IFT57: variants seen among roughly 807,000 people sequenced by gnomAD.
IFT57 encodes the protein intraflagellar transport 57, also known as intraflagellar transport protein 57 homolog.
IFT57 carries 59 observed loss-of-function variants against 56.8 expected under a neutral mutation model. The ratio of observed to expected loss-of-function variants is 1.04; its 90% CI spans 0.84 to 1.29. IFT57 has a LOEUF of 1.29. Ranked by LOEUF, IFT57 falls within the 50% of genes most tolerant of loss-of-function variation. The pLI is 0.00. For synonymous variants in IFT57, 209 were observed against 186.1 expected, an observed-to-expected ratio of 1.12 and a Z score of -1.00; for missense variants, 470 against 522.1, an observed-to-expected ratio of 0.90 and a Z score of 0.97.
intron 5 of IFT57, among the ~76,000 whole-genome samples, chr3:108,203,095 C>T (rs1218114622): frequency 6.6e-6 from 1 of 152,242 alleles, no homozygotes; most frequent in Non-Finnish European, 1.5e-5. Context: ...CAGACAGTCT[C>T]CTGCTGTCAG....
intron 6 of IFT57, among the ~76,000 whole-genome samples, chr3:108,180,198 C>T (rs1009023049): frequency 6.6e-6 from 1 of 151,990 alleles, no homozygotes; most frequent in Non-Finnish European, 1.5e-5. Flanking sequence ...GCTATCTTTA[C>T]AAACTACCAT....
chr3:108,217,648 T>C (rs563534841), intron 3 of IFT57, among the ~76,000 whole-genome samples: 398 of 151,752 alleles, frequency 2.6e-3, no homozygotes, highest in South Asian at 6.6e-3. Context: ...TGAATATACA[T>C]TAAAATGTTA....
intron 6 of IFT57, among the ~76,000 whole-genome samples, chr3:108,177,631 G>GA (rs568406188): frequency 6.8e-6 from 1 of 147,624 alleles, no homozygotes; most frequent in Non-Finnish European, 1.5e-5. Flanking sequence ...AAGAGATGAA[G>GA]AAAAAAAAAT....
chr3:108,209,805 C>A (rs1464694662), intron 4 of IFT57, among the ~76,000 whole-genome samples: 1 of 152,196 alleles, frequency 6.6e-6, no homozygotes, highest in Non-Finnish European at 1.5e-5. Flanking sequence ...GGCCTTCAGA[C>A]TCAAACTGGG....
intron 6 of IFT57, among the ~76,000 whole-genome samples, chr3:108,177,529 C>T (rs1315957643): frequency 2.6e-5 from 4 of 151,466 alleles, no homozygotes; most frequent in Admixed American, 1.3e-4. Flanking sequence ...TGCATTTATT[C>T]CAAAATGCAA....
At chr3:108,173,997 AGTGTGTGTGTGTGTGTGTGTGT>A (rs34537693) in intron 6 of IFT57, among the ~76,000 whole-genome samples, 3 of 100,718 alleles carry the variant, frequency 3.0e-5, no homozygotes, top group Middle Eastern at 5.8e-3. Flanking sequence ...CATATATTTG[AGTGTGTGTGTGTGTGTGTGTGT>A]GTGTGTGTGT....
chr3:108,213,727 AT>A, intron 4 of IFT57: 2 of 479,276 alleles, frequency 4.2e-6, no homozygotes, highest in East Asian at 6.4e-5. Flanking sequence ...CTCTGCTAAA[AT>A]TCAGACCTCA....
chr3:108,201,936 A>G (rs774391382), intron 5 of IFT57, among the ~76,000 whole-genome samples: 2 of 152,200 alleles, frequency 1.3e-5, no homozygotes, highest in Non-Finnish European at 2.9e-5. Flanking sequence ...TAAGCTAAAA[A>G]GTCTCTCATT....
At chr3:108,213,536 A>G (rs187984227) in intron 4 of IFT57, among the ~76,000 whole-genome samples, 22 of 152,356 alleles carry the variant, frequency 1.4e-4, no homozygotes, top group African/African-American at 5.3e-4. Context: ...CTAATTGTAG[A>G]TGAATAAAGG....
intron 6 of IFT57, among the ~76,000 whole-genome samples, chr3:108,185,059 T>C (rs1237404640): frequency 6.6e-6 from 1 of 152,078 alleles, no homozygotes; most frequent in Non-Finnish European, 1.5e-5. Context: ...GAATCCAGCA[T>C]AAGAACCATT....
chr3:108,205,911 A>T (rs1176267473), intron 5 of IFT57, among the ~76,000 whole-genome samples: 1 of 128,240 alleles, frequency 7.8e-6, no homozygotes, highest in Non-Finnish European at 1.6e-5. Context: ...ATTATATATT[A>T]ATATATATTA....
intron 4 of IFT57, among the ~76,000 whole-genome samples, chr3:108,207,775 G>C (rs2080321265): frequency 6.6e-6 from 1 of 152,190 alleles, no homozygotes; most frequent in Non-Finnish European, 1.5e-5. Flanking sequence ...CGGGCGCGAT[G>C]GCTCACGCTT....
At chr3:108,199,303 G>A (rs1324167477) in intron 5 of IFT57, among the ~76,000 whole-genome samples, 1 of 152,190 alleles carries the variant, frequency 6.6e-6, no homozygotes, top group East Asian at 1.9e-4. Flanking sequence ...TATGCTGTAG[G>A]AGTCTGAATG....
Position 108,163,747 on chromosome 3 carries a change from TTTCATGAGCA to T in IFT57, c.1045-28_1045-19del. On this transcript the variant is annotated intron_variant, in intron 9 of 10. Transcript: ENST00000264538. ...TCCATAACCTTTCATGAAAACAAGTTTTCATGAGCATTACATTTTAATAAACTTTCACAAT... is the reference window on the plus strand; with the variant it reads ...TCCATAACCTTTCATGAAAACAAGTTTTACATTTTAATAAACTTTCACAAT... 1.3e-6 allele frequency: 2 copies of T among 1,489,178 alleles called. No individual in the cohort carries two copies. Among genetic ancestry groups the T allele is most frequent in the Non-Finnish European group, 1.9e-6 (2 of 1,069,192 alleles). The allele number at this position is 1,489,178 out of a possible 1,614,324, so 92.2% of individuals were successfully genotyped here. A position where few individuals can be genotyped will look rare whatever the true frequency, so the allele number is the denominator to read the frequency against.
chr3:108,201,161 C>T (rs978489615), intron 5 of IFT57, among the ~76,000 whole-genome samples: 4 of 152,156 alleles, frequency 2.6e-5, no homozygotes, highest in Admixed American at 6.6e-5. Context: ...GTCAGGAATT[C>T]ATCTCGGGCT....
chr3:108,212,727 T>C (rs62267891), intron 4 of IFT57, among the ~76,000 whole-genome samples: 13,922 of 152,306 alleles, frequency 0.091, 700 homozygotes, highest in Middle Eastern at 0.12. Flanking sequence ...ATTAAAATTA[T>C]GCATATACTA....
chr3:108,168,308 T>G (rs2080073953), intron 6 of IFT57, among the ~76,000 whole-genome samples: 1 of 151,860 alleles, frequency 6.6e-6, no homozygotes, highest in Non-Finnish European at 1.5e-5. Flanking sequence ...GCCTTTTGAG[T>G]CCCTTTCTTA....
In IFT57 at chr3:108,162,471, T is replaced by C. The variant is rs1577045155; in HGVS notation, c.*6A>G. On this transcript the variant is annotated 3_prime_UTR_variant, in exon 11 of 11. Coordinates refer to ENST00000264538, the MANE Select transcript of IFT57 (RefSeq NM_018010.4). ...AACTAATCAGAAACATGAAAACCAG[T>C]ATGTTTTAATAAAAGCCTGTTGCTG... 6.3e-7 allele frequency: 1 copy of C among 1,584,112 alleles called. No individual in the cohort carries two copies. The highest frequency in any genetic ancestry group is 2.3e-5 in the East Asian group (1 of 44,368).
At chr3:108,195,609 T>C (rs2080239602) in intron 5 of IFT57, among the ~76,000 whole-genome samples, 3 of 152,126 alleles carry the variant, frequency 2.0e-5, no homozygotes, top group Non-Finnish European at 4.4e-5. Flanking sequence ...GAAAACAAGG[T>C]ATATATACAC....
Sources: gnomAD v4.1 joint callset for allele counts (sites outside exome capture counted in the v4.1 genomes callset) on GRCh38, gnomAD v4.1.1 for gene constraint, MANE v1.5 for transcripts, NCBI Gene and HGNC (gene_info 2026-07-23, HGNC 2026-07-21) for gene names.